Variants in MYO9A observed in about 807,000 individuals in gnomAD.
MYO9A encodes unconventional myosin-IXa.
A neutral mutation model predicts 293.3 loss-of-function variants in MYO9A; 103 were observed. The observed-to-expected ratio is 0.35, with a 90% confidence interval of 0.30 to 0.41. The LOEUF (loss-of-function observed/expected upper bound fraction) is 0.41, where lower values mean the gene tolerates loss of function less well. Among genes scored for constraint, MYO9A ranks in the 10% least tolerant of loss-of-function variants. The probability of loss-of-function intolerance (pLI) is 1.00; values close to 1 mark genes in which losing one functional copy is unlikely to be tolerated. For missense variants in MYO9A, 2,685 were observed against 3,033.0 expected, an observed-to-expected ratio of 0.89 and a Z score of 2.69; for synonymous variants, 1,001 against 1,035.7, an observed-to-expected ratio of 0.97 and a Z score of 0.64.
At chr15:71,893,210 A>C in intron 26 of MYO9A, 4 of 1,231,430 alleles carry the variant, frequency 3.2e-6, no homozygotes, top group Non-Finnish European at 4.1e-6. Flanking sequence ...AAATAACACA[A>C]CAATGTTTGG....
intron 13 of MYO9A, among the ~76,000 whole-genome samples, chr15:71,964,238 C>G (rs952396584): frequency 6.6e-6 from 1 of 151,974 alleles, no homozygotes; most frequent in African/African-American, 2.4e-5. Context: ...TAGTTGATTT[C>G]TTTGTTCAAT....
At chr15:71,973,321 T>C (rs2076059658) in intron 12 of MYO9A, among the ~76,000 whole-genome samples, 2 of 152,182 alleles carry the variant, frequency 1.3e-5, no homozygotes, top group African/African-American at 4.8e-5. Context: ...TTAATTTGCA[T>C]AGTGTGAAGG....
chr15:71,934,875 C>T (rs1004167384), intron 17 of MYO9A, among the ~76,000 whole-genome samples: 2 of 132,212 alleles, frequency 1.5e-5, no homozygotes, highest in African/African-American at 5.7e-5. Flanking sequence ...CAAACCAACT[C>T]TGTAATCAGT....
intron 2 of MYO9A, among the ~76,000 whole-genome samples, chr15:72,034,748 C>T (rs561283321): frequency 1.2e-4 from 18 of 152,250 alleles, no homozygotes; most frequent in Admixed American, 2.0e-4. Flanking sequence ...TTTGAAAAAA[C>T]TTACAAAATA....
chr15:72,069,937 G>A (rs963136602), intron 1 of MYO9A, among the ~76,000 whole-genome samples: 18 of 150,902 alleles, frequency 1.2e-4, no homozygotes, highest in Non-Finnish European at 2.4e-4. Context: ...AGGCAACACG[G>A]TGAAACCCTG....
intron 19 of MYO9A, 57 bp downstream of exon 19, chr15:71,916,313 C>A: frequency 6.3e-7 from 1 of 1,576,730 alleles, no homozygotes; most frequent in Non-Finnish European, 8.6e-7. Context: ...TTTAACCTTT[C>A]AATGACAATC....
chr15:72,026,584 T>C (rs2077681146), intron 4 of MYO9A, among the ~76,000 whole-genome samples: 1 of 136,874 alleles, frequency 7.3e-6, no homozygotes, highest in South Asian at 2.4e-4. Flanking sequence ...AGGAAGGAAA[T>C]AATAAGCATC....
chr15:71,830,212 T>G lies in MYO9A; in HGVS notation c.6937A>C (p.Ser2313Arg). The change falls in exon 40 of 42, where the codon AGT (serine) becomes CGT (arginine). Residue 2313 changes from serine to arginine, a missense_variant. Coordinates refer to ENST00000356056, the MANE Select transcript of MYO9A (RefSeq NM_006901.4). ...ATGTCAGTCTCCATGGCTGCCTCAC[T>G]AGTCAAGGTCTCCTCTGAGACATCA... ...VSDVSEETLT[S>R]EAAMETDITE... 2.5e-6 allele frequency: 4 copies of G among 1,614,096 alleles called. No individual in the cohort carries two copies. Among genetic ancestry groups the G allele is most frequent in the Non-Finnish European group, 3.4e-6 (4 of 1,179,992 alleles).
At chr15:72,002,619 T>C (rs1254150973) in intron 8 of MYO9A, among the ~76,000 whole-genome samples, 1 of 152,204 alleles carries the variant, frequency 6.6e-6, no homozygotes, top group Non-Finnish European at 1.5e-5. Flanking sequence ...TTCAGAATAA[T>C]ATATACAGTG....
chr15:71,992,136 G>A (rs2076560463), intron 10 of MYO9A, among the ~76,000 whole-genome samples: 1 of 151,922 alleles, frequency 6.6e-6, no homozygotes, highest in Admixed American at 6.6e-5. Context: ...GTGCTAAAAG[G>A]ATTACAACAA....
At position 71,848,846 on chromosome 15, in the gene MYO9A, A is replaced by G. The variant is rs145947261; in HGVS notation, c.6836T>C (p.Met2279Thr). Residue 2279 changes from methionine (M) to threonine (T), a missense_variant and splice_region_variant, in exon 39 of 42, where the codon ATG becomes ACG. This residue lies in a region of MYO9A where 350 missense variants were observed against 328.9 expected (regional missense o/e 1.06). Coordinates refer to ENST00000356056, the MANE Select transcript of MYO9A (RefSeq NM_006901.4). ...ACTATTCCATGTGTTGCATCTTACC[A>G]TTGATCTACGAATCAGTGACAACCT... ...KTRLSLIRRS[M>T]GKGRIRRGNY... is the part of the protein sequence containing the mutation. The G allele has an allele frequency of 4.4e-6, 7 of 1,601,406 alleles. No homozygotes were observed. Among genetic ancestry groups the G allele is most frequent in the South Asian group, 1.1e-5 (1 of 87,780 alleles).
In MYO9A at chr15:71,823,230, CA is replaced by C. The variant is rs2054341578; in HGVS notation, c.*3349del. 6.6e-6 allele frequency: 1 copy of C among 152,330 alleles called. No homozygotes were observed. Among genetic ancestry groups the C allele is most frequent in the Middle Eastern group, 3.4e-3 (1 of 294 alleles). 9.4% of individuals were successfully genotyped at this position (152,330 alleles called of 1,614,324 possible). A position where few individuals can be genotyped will look rare whatever the true frequency, so the allele number is the denominator to read the frequency against. The stretch of plus-strand genomic sequence containing the variant: ...TTCTAGTTTACCAAAGTGCTTGTTA[CA>C]GTGAAAAACACAGCCCACAGGCACT... On this transcript the variant is annotated 3_prime_UTR_variant, in exon 42 of 42. Transcript: ENST00000356056.
At chr15:72,038,509 A>T (rs2078127670) in intron 2 of MYO9A, among the ~76,000 whole-genome samples, 1 of 152,236 alleles carries the variant, frequency 6.6e-6, no homozygotes, top group African/African-American at 2.4e-5. Context: ...ATCTCAGAGG[A>T]CAGGATTGGG....
chr15:72,047,774 C>CTTTTTT (rs11397735), intron 1 of MYO9A, among the ~76,000 whole-genome samples: 13,781 of 74,264 alleles, frequency 0.19, 2,558 homozygotes, highest in East Asian at 0.36. Flanking sequence ...CAGTTACTTC[C>CTTTTTT]TTTTTTTTTT....
intron 19 of MYO9A, among the ~76,000 whole-genome samples, chr15:71,913,429 T>C (rs1436690975): frequency 6.6e-6 from 1 of 152,222 alleles, no homozygotes; most frequent in East Asian, 1.9e-4. Flanking sequence ...CCAGAGACTC[T>C]GTCATCACCT....
chr15:72,028,846 G>A (rs2077769281), intron 3 of MYO9A, among the ~76,000 whole-genome samples: 1 of 152,002 alleles, frequency 6.6e-6, no homozygotes, highest in Non-Finnish European at 1.5e-5. Context: ...ATTATATAAT[G>A]ATTTACTCTA....
At chr15:71,972,659 G>A (rs554429760) in intron 12 of MYO9A, among the ~76,000 whole-genome samples, 1 of 152,266 alleles carries the variant, frequency 6.6e-6, no homozygotes, top group South Asian at 2.1e-4. Context: ...TGAGAGCAGA[G>A]GAAAACATGG....
chr15:71,954,193 C>A (rs2059126699), intron 14 of MYO9A, among the ~76,000 whole-genome samples: 1 of 150,952 alleles, frequency 6.6e-6, no homozygotes, highest in Admixed American at 6.6e-5. Context: ...TGTGCCCGGC[C>A]ATCATCAACT....
At chr15:72,099,444 A>AG (rs2080188934) in intron 1 of MYO9A, among the ~76,000 whole-genome samples, 3 of 149,774 alleles carry the variant, frequency 2.0e-5, no homozygotes, top group Admixed American at 1.3e-4. Context: ...AAAAAAAAAG[A>AG]AAAAAAAATT....
Sources: gnomAD v4.1 joint callset for allele counts (sites outside exome capture counted in the v4.1 genomes callset) on GRCh38, gnomAD v4.1.1 for gene constraint, gnomAD v4.1.1 regional missense constraint, MANE v1.5 for transcripts, NCBI Gene and HGNC (gene_info 2026-07-23, HGNC 2026-07-21) for gene names.